The following FECH variants were observed in gnomAD, a reference collection of about 807,000 sequenced individuals.
FECH encodes ferrochelatase, mitochondrial.
In FECH, 40 loss-of-function variants were observed where a neutral mutation model predicts 56.9. The observed-to-expected ratio is 0.70, with a 90% CI of 0.55 to 0.92. The LOEUF is 0.92. Ranked by LOEUF, FECH falls within the 40% of genes least tolerant of loss-of-function variation. FECH has a pLI of 0.00. For missense variants in FECH, 431 were observed against 529.1 expected (o/e 0.81, Z 1.82); for synonymous variants, 175 against 198.6 (o/e 0.88, Z 1.00).
At chr18:57,579,590 A>G (rs1007590484) in intron 2 of FECH, among the ~76,000 whole-genome samples, 3 of 152,148 alleles carry the variant, frequency 2.0e-5, no homozygotes, top group Non-Finnish European at 4.4e-5. Context: ...GTGAGGTATG[A>G]AACGTGTACT....
chr18:57,552,585 A>T (rs995283623), intron 9 of FECH, among the ~76,000 whole-genome samples: 1 of 150,466 alleles, frequency 6.6e-6, no homozygotes, highest in African/African-American at 2.4e-5. Context: ...ATTTTAGTAG[A>T]GATGGGGTTT....
intron 6 of FECH, among the ~76,000 whole-genome samples, chr18:57,561,340 G>A (rs2050940905): frequency 6.6e-6 from 1 of 152,022 alleles, no homozygotes; most frequent in Admixed American, 6.5e-5. Flanking sequence ...ATGTCATATC[G>A]TATCCAAAGC....
At chr18:57,565,358 T>C (rs2051002426) in intron 5 of FECH, among the ~76,000 whole-genome samples, 1 of 152,066 alleles carries the variant, frequency 6.6e-6, no homozygotes, top group South Asian at 2.1e-4. Flanking sequence ...GTAATCCCAG[T>C]GCTTTAGGAG....
At position 57,550,736 on chromosome 18, in the gene FECH, G is replaced by A; in HGVS notation, c.1248C>T (p.Ser416=). ...GTCACAGCTGCTGGCTGGTGAAGAA[G>A]GATTTAGTCTCCCTGCAGACAGGAT... is the stretch of plus-strand genomic sequence containing the variant. ...CVNPVCRETK[S]FFTSQQL Residue 416 remains serine (S), a synonymous_variant, in exon 11 of 11, where the codon TCC becomes TCT. Transcript: ENST00000262093. The A allele has an allele frequency of 6.2e-7, 1 of 1,614,074 alleles. No homozygotes were observed. Among genetic ancestry groups the A allele is most frequent in the South Asian group, 1.1e-5 (1 of 91,072 alleles).
Position 57,545,461 on chromosome 18 carries a change from A to G in FECH, c.*5251T>C, listed in dbSNP as rs1453101027. ...AAGAAAGGCTTAGTAAGAGTCCCAC[A>G]TCAAAAGCAAAAGCATTTCTTTCTC... On this transcript the variant is annotated 3_prime_UTR_variant, in exon 11 of 11. Coordinates refer to ENST00000262093, the MANE Select transcript of FECH (RefSeq NM_000140.5). 6.6e-6 allele frequency among the ~76,000 whole-genome samples: 1 copy of G among 152,208 alleles called. No individual in the cohort carries two copies. The highest frequency in any genetic ancestry group is 1.5e-5 in the Non-Finnish European group (1 of 68,040).
intron 7 of FECH, among the ~76,000 whole-genome samples, chr18:57,557,421 G>A (rs937901271): frequency 6.6e-6 from 1 of 152,180 alleles, no homozygotes; most frequent in Non-Finnish European, 1.5e-5. Context: ...GCCAAACCTG[G>A]AAGCAGCGTG....
rs114883109 is a variant in FECH at position 57,549,758 on chromosome 18, T to C, written c.*954A>G. On this transcript the variant is annotated 3_prime_UTR_variant, in exon 11 of 11. Coordinates refer to ENST00000262093, the MANE Select transcript of FECH (RefSeq NM_000140.5). Reference sequence around the variant, plus strand: ...ACATGTCCCATTGTATCACTATACATTTTTATAATAAAAAATCGTAAATTA... The same window carrying C: ...ACATGTCCCATTGTATCACTATACACTTTTATAATAAAAAATCGTAAATTA... 3.9e-4 allele frequency: 59 copies of C among 152,368 alleles called. 1 individual carries two copies. The highest frequency in any genetic ancestry group is 1.3e-3 in the African/African-American group (56 of 41,588). The allele number at this position is 152,368 out of a possible 1,614,324, so 9.4% of individuals were successfully genotyped here. A position where few individuals can be genotyped will look rare whatever the true frequency, so the allele number is the denominator to read the frequency against.
At chr18:57,585,545 C>T (rs1161509190) in intron 1 of FECH, among the ~76,000 whole-genome samples, 1 of 152,216 alleles carries the variant, frequency 6.6e-6, no homozygotes, top group African/African-American at 2.4e-5. Flanking sequence ...TGTCCCCCAG[C>T]GCCCTTAGTG....
rs1314538554 is a variant in FECH, at chr18:57,579,245, C to CAA, written c.194+826_194+827dup. ...CCTGAGAGACAGAGTGAGACTCTCT[C>CAA]AAAAAAAAAAAAAAGATATATATAT... On this transcript the variant is annotated intron_variant, in intron 2 of 10. Coordinates refer to ENST00000262093, the MANE Select transcript of FECH (RefSeq NM_000140.5). Among the ~76,000 whole-genome samples, 153 of 114,802 alleles carry CAA rather than the reference C, an allele frequency of 1.3e-3. 4 individuals carry two copies. The highest frequency in any genetic ancestry group is 2.1e-3 in the African/African-American group (56 of 27,234). 75.3% of individuals were successfully genotyped at this position (114,802 alleles called of 152,430 possible).
intron 2 of FECH, among the ~76,000 whole-genome samples, chr18:57,574,697 C>A (rs926193035): frequency 6.6e-6 from 1 of 152,282 alleles, no homozygotes; most frequent in African/African-American, 2.4e-5. Context: ...GTGCCTCTGG[C>A]ACGCTGGCAG....
chr18:57,550,482 G>C lies in FECH; in HGVS notation c.*230C>G. 2.0e-6 allele frequency: 1 copy of C among 507,086 alleles called. No individual in the cohort carries two copies. Among genetic ancestry groups the C allele is most frequent in the Non-Finnish European group, 3.5e-6 (1 of 284,654 alleles). 31.4% of individuals were successfully genotyped at this position (507,086 alleles called of 1,614,324 possible). On this transcript the variant is annotated 3_prime_UTR_variant, in exon 11 of 11. Coordinates refer to ENST00000262093, the MANE Select transcript of FECH (RefSeq NM_000140.5). ...AGGTCCTGATGGACATTCCAAACTA[G>C]TAACTTATACCTAGAGAGAGAAAAT...
intron 4 of FECH, among the ~76,000 whole-genome samples, chr18:57,570,136 C>G (rs1027468155): frequency 6.6e-6 from 1 of 151,720 alleles, no homozygotes; most frequent in Non-Finnish European, 1.5e-5. Flanking sequence ...TCAAGCGATC[C>G]ACCTGCCTTG....
intron 2 of FECH, among the ~76,000 whole-genome samples, chr18:57,579,703 G>A (rs187633119): frequency 5.3e-5 from 8 of 152,224 alleles, no homozygotes; most frequent in South Asian, 2.1e-4. Flanking sequence ...GAAATTCTTG[G>A]TAGACCAGTT....
chr18:57,553,598 G>C (rs772230175), intron 9 of FECH, among the ~76,000 whole-genome samples: 3 of 152,162 alleles, frequency 2.0e-5, no homozygotes, highest in Non-Finnish European at 2.9e-5. Flanking sequence ...CAAAAGCCAG[G>C]ACATAGATGA....
In FECH at chr18:57,544,633, C is replaced by T. The variant is rs2050697509; in HGVS notation, c.*6079G>A. ...CATGAGCAATGCAAATATGAAACAACTTCTTTGTATGCCAATACTTCACTT... is the reference window on the plus strand; with the variant it reads ...CATGAGCAATGCAAATATGAAACAATTTCTTTGTATGCCAATACTTCACTT... On this transcript the variant is annotated 3_prime_UTR_variant, in exon 11 of 11. Coordinates refer to ENST00000262093, the MANE Select transcript of FECH (RefSeq NM_000140.5). 6.6e-6 allele frequency among the ~76,000 whole-genome samples: 1 copy of T among 152,226 alleles called. No individual in the cohort carries two copies. The highest frequency in any genetic ancestry group is 2.4e-5 in the African/African-American group (1 of 41,464).
intron 1 of FECH, among the ~76,000 whole-genome samples, chr18:57,580,693 C>T (rs111918295): frequency 9.9e-5 from 15 of 152,238 alleles, no homozygotes; most frequent in African/African-American, 3.4e-4. Flanking sequence ...TGAACCTTGA[C>T]AAGGGGCCTC....
chr18:57,556,729 G>C (rs1351349384), intron 7 of FECH, among the ~76,000 whole-genome samples: 1 of 151,826 alleles, frequency 6.6e-6, no homozygotes, highest in Non-Finnish European at 1.5e-5. Context: ...TGGGCAACAT[G>C]GTGAAACCCT....
rs1204182009 is a variant in FECH at position 57,571,434 on chromosome 18, C to T, written c.421G>A (p.Glu141Lys). 6.2e-7 allele frequency: 1 copy of T among 1,613,928 alleles called. No homozygotes were observed. The highest frequency in any genetic ancestry group is 1.3e-5 in the African/African-American group (1 of 74,884). Residue 141 changes from glutamate (E) to lysine (K), a missense_variant, in exon 4 of 11, where the codon GAG becomes AAG. Physicochemically the swap from Glu to Lys is moderately conservative, Grantham distance 56. Coordinates refer to ENST00000262093, the MANE Select transcript of FECH (RefSeq NM_000140.5). ...TCATCCAGCAGCTTCACCATGCCCT[C>T]TCCCTGCTTGGAAGTCCATATCTTG... Reference protein sequence around the residue: ...PIKIWTSKQGEGMVKLLDELS... With the variant: ...PIKIWTSKQGKGMVKLLDELS...
intron 7 of FECH, among the ~76,000 whole-genome samples, chr18:57,557,388 G>A (rs988415221): frequency 1.3e-5 from 2 of 152,102 alleles, no homozygotes; most frequent in Admixed American, 6.6e-5. Context: ...GGCATTTCCC[G>A]GTCCCACAAG....
Sources: gnomAD v4.1 joint callset for allele counts (sites outside exome capture counted in the v4.1 genomes callset) on GRCh38, gnomAD v4.1.1 for gene constraint, MANE v1.5 for transcripts, NCBI Gene and HGNC (gene_info 2026-07-23, HGNC 2026-07-21) for gene names.